The following ARB2A variants were observed in gnomAD, a reference collection of about 807,000 sequenced individuals.
The protein encoded by ARB2A is ARB2 cotranscriptional regulator A, also known as cotranscriptional regulator ARB2A.
chr5:94,017,940 A>G, the ARB2A span, among the ~76,000 whole-genome samples: 1 of 152,138 alleles, frequency 6.6e-6, no homozygotes, highest in Non-Finnish European at 1.5e-5. Flanking sequence ...TATTCTTGTG[A>G]TAGTGAATAA....
the ARB2A span, among the ~76,000 whole-genome samples, chr5:93,871,980 G>A: frequency 6.8e-5 from 10 of 146,786 alleles, no homozygotes; most frequent in East Asian, 2.0e-4. Context: ...TCGGAGTCTC[G>A]GTCTATCGCC....
the ARB2A span, among the ~76,000 whole-genome samples, chr5:93,833,192 CT>C: frequency 6.6e-6 from 1 of 151,826 alleles, no homozygotes; most frequent in Non-Finnish European, 1.5e-5. Context: ...AGTAGATTAT[CT>C]TTTTAATTCA....
the ARB2A span, among the ~76,000 whole-genome samples, chr5:94,011,936 CAAAAAAAAAAAAA>C: frequency 9.9e-5 from 3 of 30,182 alleles, no homozygotes; most frequent in Non-Finnish European, 1.3e-4. Flanking sequence ...AAAGGGTAGA[CAAAAAAAAAAAAA>C]AAAAAAAAAG....
the ARB2A span, among the ~76,000 whole-genome samples, chr5:93,800,116 T>C: frequency 2.6e-5 from 4 of 152,192 alleles, no homozygotes; most frequent in East Asian, 1.9e-4. Context: ...AGTACCTATA[T>C]AGGAGAAATC....
At chr5:93,959,887 C>A in the ARB2A span, among the ~76,000 whole-genome samples, 2 of 152,076 alleles carry the variant, frequency 1.3e-5, no homozygotes, top group African/African-American at 2.4e-5. Flanking sequence ...TGGTATACCA[C>A]ATCAGCACTG....
chr5:94,048,051 C>CTTTTTTTTTTTTTTTTTTTTTTTTTTTTT, the ARB2A span, among the ~76,000 whole-genome samples: 5 of 96,086 alleles, frequency 5.2e-5, no homozygotes, highest in African/African-American at 1.6e-4. Flanking sequence ...AATCGGTAAG[C>CTTTTTTTTTTTTTTTTTTTTTTTTTTTTT]TTTTTTTTTT....
At chr5:93,738,752 C>A in the ARB2A span, 1 of 152,176 alleles carries the variant, frequency 6.6e-6, no homozygotes, top group African/African-American at 2.4e-5. Flanking sequence ...CTGCTTAGAA[C>A]TGGCAAATTC....
the ARB2A span, among the ~76,000 whole-genome samples, chr5:93,822,941 A>G: frequency 6.6e-6 from 1 of 152,170 alleles, no homozygotes; most frequent in African/African-American, 2.4e-5. Flanking sequence ...TACCAGTTTT[A>G]AAACTAAATC....
chr5:93,744,434 CAAAAAAAAAA>C, the ARB2A span, among the ~76,000 whole-genome samples: 27 of 14,534 alleles, frequency 1.9e-3, no homozygotes, highest in South Asian at 4.6e-3. Flanking sequence ...GACTCAGTCT[CAAAAAAAAAA>C]AAAAAAAAAA....
At chr5:93,756,592 C>T in the ARB2A span, among the ~76,000 whole-genome samples, 3 of 152,128 alleles carry the variant, frequency 2.0e-5, no homozygotes, top group East Asian at 1.9e-4. Flanking sequence ...GGGGTAGACT[C>T]GCTGGGTGGT....
the ARB2A span, among the ~76,000 whole-genome samples, chr5:94,101,411 G>A: frequency 1.3e-5 from 2 of 152,058 alleles, no homozygotes; most frequent in Non-Finnish European, 2.9e-5. Flanking sequence ...CTAAAAGCAG[G>A]GCTACCATTT....
At chr5:93,683,164 T>C in the ARB2A span, 2 of 1,365,990 alleles carry the variant, frequency 1.5e-6, no homozygotes, top group East Asian at 2.3e-5. Context: ...TTTCTTCAGC[T>C]TCCTCATCAT....
At chr5:94,068,862 CAAAAAAAAAA>C in the ARB2A span, among the ~76,000 whole-genome samples, 7 of 62,336 alleles carry the variant, frequency 1.1e-4, 1 homozygote, top group South Asian at 5.0e-3. Context: ...ACTAAAAATA[CAAAAAAAAAA>C]AAAAAAAAAA....
At chr5:93,693,801 T>C in the ARB2A span, among the ~76,000 whole-genome samples, 9 of 152,298 alleles carry the variant, frequency 5.9e-5, no homozygotes, top group East Asian at 5.8e-4. Context: ...AATAAAATAC[T>C]GGCAAACCAA....
chr5:93,836,414 C>A, the ARB2A span, among the ~76,000 whole-genome samples: 2 of 152,340 alleles, frequency 1.3e-5, no homozygotes, highest in South Asian at 4.1e-4. Flanking sequence ...TCCAGAAAGA[C>A]ACACACAAGG....
chr5:93,889,696 T>G, the ARB2A span, among the ~76,000 whole-genome samples: 1 of 151,862 alleles, frequency 6.6e-6, no homozygotes, highest in Non-Finnish European at 1.5e-5. Flanking sequence ...AATCACAAAA[T>G]GCTACACTAC....
the ARB2A span, among the ~76,000 whole-genome samples, chr5:93,998,419 T>C: frequency 6.6e-6 from 1 of 152,012 alleles, no homozygotes; most frequent in African/African-American, 2.4e-5. Context: ...TGTACAAATT[T>C]AGAATATATC....
chr5:94,071,915 A>T, the ARB2A span, among the ~76,000 whole-genome samples: 1 of 152,164 alleles, frequency 6.6e-6, no homozygotes, highest in Non-Finnish European at 1.5e-5. Flanking sequence ...CTTATACATG[A>T]ATACACACAG....
At chr5:94,035,246 T>TACATATACATATACATAC in the ARB2A span, among the ~76,000 whole-genome samples, 11 of 151,902 alleles carry the variant, frequency 7.2e-5, no homozygotes, top group African/African-American at 2.7e-4. Flanking sequence ...CATATACATA[T>TACATATACATATACATAC]ACATATACAT....
Sources: gnomAD v4.1 joint callset for allele counts (sites outside exome capture counted in the v4.1 genomes callset) on GRCh38, gnomAD v4.1.1 for gene constraint, MANE v1.5 for transcripts, NCBI Gene and HGNC (gene_info 2026-07-23, HGNC 2026-07-21) for gene names.